The following SCAF4 variants were observed in gnomAD, a reference collection of about 807,000 sequenced individuals.
SCAF4 encodes SR-related and CTD-associated factor 4.
In SCAF4, 25 loss-of-function variants were observed where a neutral mutation model predicts 129.8. The observed-to-expected ratio is 0.19, with a 90% CI of 0.14 to 0.27. The LOEUF is 0.27. SCAF4 is among the 10% of genes least tolerant of loss of function. The pLI, the probability that SCAF4 is intolerant of heterozygous loss-of-function variation, is 1.00. For synonymous variants in SCAF4, 551 were observed against 497.7 expected (o/e 1.11, Z -1.43); for missense variants, 1,246 against 1,457.1 (o/e 0.86, Z 2.36).
At chr21:31,676,243 T>C (rs765025425) in intron 19 of SCAF4, among the ~76,000 whole-genome samples, 2 of 152,132 alleles carry the variant, frequency 1.3e-5, no homozygotes, top group Non-Finnish European at 2.9e-5. Flanking sequence ...CTCTAGATGT[T>C]TGATCACTAA....
At position 31,702,253 on chromosome 21, in the gene SCAF4, T is replaced by C. The variant is rs2123585713; in HGVS notation, c.448A>G (p.Asn150Asp). 1 of 1,614,120 alleles carries C rather than the reference T, an allele frequency of 6.2e-7. No homozygotes were observed. The highest frequency in any genetic ancestry group is 8.5e-7 in the Non-Finnish European group (1 of 1,180,000). Residue 150 changes from asparagine to aspartate, a missense_variant, in exon 5 of 20, where the codon AAT (asparagine) becomes GAT (aspartate). Physicochemically the swap from Asn to Asp is conservative, Grantham distance 23 (BLOSUM62 1). Transcript: ENST00000286835. ...NAAPVAENVTNNEGSPPPPVK... is the reference protein window; with the variant it reads ...NAAPVAENVTDNEGSPPPPVK... ...ATACATCTGACCATACCTTCATTATTGGTAACATTTTCTGCTACTGGGGCT... is the reference window on the plus strand; with the variant it reads ...ATACATCTGACCATACCTTCATTATCGGTAACATTTTCTGCTACTGGGGCT...
chr21:31,727,707 C>G (rs1349494690), intron 1 of SCAF4, among the ~76,000 whole-genome samples: 1 of 151,962 alleles, frequency 6.6e-6, no homozygotes, highest in Non-Finnish European at 1.5e-5. Context: ...AGGAGAATCG[C>G]TTGAACCCAG....
At chr21:31,683,709 G>GA (rs1203083328) in intron 19 of SCAF4, among the ~76,000 whole-genome samples, 4,558 of 141,654 alleles carry the variant, frequency 0.032, 204 homozygotes, top group African/African-American at 0.11. Context: ...ATGTTAATAT[G>GA]AAAAAAAAAA....
At chr21:31,693,046 A>G (rs1313490996) in intron 12 of SCAF4, among the ~76,000 whole-genome samples, 1 of 152,222 alleles carries the variant, frequency 6.6e-6, no homozygotes, top group Non-Finnish European at 1.5e-5. Flanking sequence ...TCAGAAAATA[A>G]TGCAAGTGAA....
In SCAF4 at chr21:31,693,359, T is replaced by C. The variant is rs1047831965; in HGVS notation, c.1448A>G (p.Asp483Gly). Residue 483 changes from aspartate to glycine, a missense_variant, in exon 12 of 20, where the codon GAT becomes GGT. Around this residue, in one of 6 missense-constraint regions of SCAF4, gnomAD observed 468 missense variants for 605.5 expected, o/e 0.77. Transcript: ENST00000286835. The part of the protein sequence containing the change: ...SPRSRSQERR[D>G]REKERERRQK... ...TCGACGTTCTCTCTCTTTTTCTCGATCCCGTCTTTCTTGAGATCGAGATCG... is the reference window on the plus strand; with the variant it reads ...TCGACGTTCTCTCTCTTTTTCTCGACCCCGTCTTTCTTGAGATCGAGATCG... 1 of 1,559,554 alleles carries C rather than the reference T, an allele frequency of 6.4e-7. No individual in the cohort carries two copies. Among genetic ancestry groups the C allele is most frequent in the Non-Finnish European group, 8.8e-7 (1 of 1,141,724 alleles).
At position 31,701,858 on chromosome 21, in the gene SCAF4, G is replaced by T; in HGVS notation, c.518C>A (p.Ser173Tyr). The T allele has an allele frequency of 6.2e-7, 1 of 1,614,100 alleles. No individual in the cohort carries two copies. The highest frequency in any genetic ancestry group is 8.5e-7 in the Non-Finnish European group (1 of 1,179,982). The part of the protein sequence containing the change: ...SEPPTQATPN[S>Y]VPAVPQLPSS... ...GGGCAACTGTGGTACAGCTGGGACGGAGTTTGGAGTGGCTTGTGTGGGAGG... is the reference window on the plus strand; with the variant it reads ...GGGCAACTGTGGTACAGCTGGGACGTAGTTTGGAGTGGCTTGTGTGGGAGG... Residue 173 changes from serine (S) to tyrosine (Y), a missense_variant, in exon 6 of 20, where the codon TCC becomes TAC. This residue lies in a region of SCAF4 where 143 missense variants were observed against 161.0 expected (regional missense o/e 0.89). Coordinates refer to ENST00000286835, the MANE Select transcript of SCAF4 (RefSeq NM_020706.2).
chr21:31,721,218 A>G (rs550078927), intron 1 of SCAF4, among the ~76,000 whole-genome samples: 2 of 152,314 alleles, frequency 1.3e-5, no homozygotes, highest in South Asian at 4.1e-4. Flanking sequence ...ATATATCCCT[A>G]TATTTGTTAA....
chr21:31,674,987 C>T (rs1292155122), intron 19 of SCAF4, among the ~76,000 whole-genome samples: 1 of 152,096 alleles, frequency 6.6e-6, no homozygotes, highest in East Asian at 1.9e-4. Context: ...GAGTGGCAGT[C>T]ATCGGGGGTG....
intron 1 of SCAF4, among the ~76,000 whole-genome samples, chr21:31,709,696 G>A (rs2050754051): frequency 6.6e-6 from 1 of 152,126 alleles, no homozygotes; most frequent in Non-Finnish European, 1.5e-5. Flanking sequence ...CAGCTGCAGA[G>A]TATTACTACA....
chr21:31,671,457 G>C lies in SCAF4; in HGVS notation c.3386C>G (p.Ala1129Gly), dbSNP rs755422332. The change falls in exon 20 of 20, where the codon GCT becomes GGT. Residue 1129 changes from alanine (A) to glycine (G), a missense_variant. By Grantham distance (60) the Ala-to-Gly change is moderately conservative. Transcript: ENST00000286835. ...CTTTTCGGGTTCAACGGATGAGGTA[G>C]CCTCAGCAGGTAACTCTTCAGAAGG... ...LKPSEELPAEATSSVEPEKDS... is the reference protein window; with the variant it reads ...LKPSEELPAEGTSSVEPEKDS... The C allele has an allele frequency of 2.5e-6, 4 of 1,613,940 alleles. No homozygotes were observed. The Admixed American group carries it at 5.0e-5, about 20-fold the overall frequency.
rs753170848 is a variant in SCAF4 at position 31,694,160 on chromosome 21, C to T, written c.1322+44G>A. The T allele has an allele frequency of 6.8e-6, 7 of 1,026,836 alleles. No individual in the cohort carries two copies. The Admixed American group carries it at 1.4e-4, about 20-fold the overall frequency. 63.6% of individuals were successfully genotyped at this position (1,026,836 alleles called of 1,614,324 possible). A position where few individuals can be genotyped will look rare whatever the true frequency, so the allele number is the denominator to read the frequency against. On this transcript the variant is annotated intron_variant, in intron 11 of 19. Coordinates refer to ENST00000286835, the MANE Select transcript of SCAF4 (RefSeq NM_020706.2). ...CCAATCTAATTTTAATTTCTATGTCCCCTAAGATATACAGGGTTGGAAAAA... is the reference window on the plus strand; with the variant it reads ...CCAATCTAATTTTAATTTCTATGTCTCCTAAGATATACAGGGTTGGAAAAA...
At chr21:31,705,528 A>G in intron 2 of SCAF4, 61 bp from the exon 3 acceptor site, 1 of 736,448 alleles carries the variant, frequency 1.4e-6, no homozygotes. Context: ...TCCTATAATT[A>G]GAAAATTCTT....
chr21:31,707,420 A>G (rs1045692154), intron 1 of SCAF4, among the ~76,000 whole-genome samples: 14 of 152,216 alleles, frequency 9.2e-5, no homozygotes, highest in East Asian at 3.8e-4. Flanking sequence ...TACAGCCATC[A>G]GGTGCTTCCA....
chr21:31,706,251 A>T, intron 2 of SCAF4, 23 bp downstream of exon 2: 2 of 1,443,780 alleles, frequency 1.4e-6, no homozygotes, highest in Non-Finnish European at 9.6e-7. Context: ...AAGATTTCTC[A>T]AATTGCTTTA....
intron 14 of SCAF4, 41 bp downstream of exon 14, chr21:31,691,776 C>T: frequency 1.9e-6 from 2 of 1,077,450 alleles, no homozygotes; most frequent in Middle Eastern, 3.0e-4. Flanking sequence ...CCCCTTCTGC[C>T]TATTTAAAAA....
chr21:31,712,653 C>T (rs562275794), intron 1 of SCAF4, among the ~76,000 whole-genome samples: 7 of 151,618 alleles, frequency 4.6e-5, no homozygotes, highest in African/African-American at 9.7e-5. Context: ...CTCAGCCTCC[C>T]GAGTAGCTGG....
chr21:31,725,099 A>G (rs2051169423), intron 1 of SCAF4, among the ~76,000 whole-genome samples: 1 of 152,212 alleles, frequency 6.6e-6, no homozygotes, highest in Non-Finnish European at 1.5e-5. Flanking sequence ...CTGGGATAAC[A>G]GCACAACATG....
chr21:31,724,832 G>T (rs2051161438), intron 1 of SCAF4, among the ~76,000 whole-genome samples: 1 of 152,102 alleles, frequency 6.6e-6, no homozygotes, highest in South Asian at 2.1e-4. Flanking sequence ...TATTCTAATT[G>T]CTCTCTGAAT....
At chr21:31,689,121 TC>T in intron 15 of SCAF4, among the ~76,000 whole-genome samples, 1 of 152,208 alleles carries the variant, frequency 6.6e-6, no homozygotes, top group Non-Finnish European at 1.5e-5. Flanking sequence ...GTCTAGCGCC[TC>T]CCAGATGTCC....
Sources: gnomAD v4.1 joint callset for allele counts (sites outside exome capture counted in the v4.1 genomes callset) on GRCh38, gnomAD v4.1.1 for gene constraint, gnomAD v4.1.1 regional missense constraint, MANE v1.5 for transcripts, NCBI Gene and HGNC (gene_info 2026-07-23, HGNC 2026-07-21) for gene names.